Variants in SLC27A3 observed in about 807,000 individuals in gnomAD.
SLC27A3 encodes the protein solute carrier family 27 member 3, also known as long-chain fatty acid transport protein 3.
A neutral mutation model predicts 60.1 loss-of-function variants in SLC27A3; 60 were observed. The ratio of observed to expected loss-of-function variants is 1.00; its 90% CI spans 0.81 to 1.24. SLC27A3 has a LOEUF of 1.24. Among genes scored for constraint, SLC27A3 ranks in the 50% most tolerant of loss-of-function variants. SLC27A3 has a pLI of 0.00. For synonymous variants in SLC27A3, 455 were observed against 409.0 expected (o/e 1.11, Z -1.36); for missense variants, 1,079 against 929.9 (o/e 1.16, Z -2.09).
Position 153,778,511 on chromosome 1 carries a change from C to A in SLC27A3, c.1405C>A (p.Pro469Thr), listed in dbSNP as rs752510425. The change falls in exon 6 of 10, where the codon CCA becomes ACA. Residue 469 changes from proline (P) to threonine (T), a missense_variant. Physicochemically the swap from Pro to Thr is conservative, Grantham distance 38. Transcript: ENST00000624995. Reference sequence around the variant, plus strand: ...TCGCTATGATGTCACCACAGGAGAGCCAATTCGGGACCCCCAGGGGCACTG... The same window carrying A: ...TCGCTATGATGTCACCACAGGAGAGACAATTCGGGACCCCCAGGGGCACTG... ...LIRYDVTTGE[P>T]IRDPQGHCMA... 5 of 1,614,154 alleles carry A rather than the reference C, an allele frequency of 3.1e-6. No individual in the cohort carries two copies. Among genetic ancestry groups the A allele is most frequent in the Middle Eastern group, 3.3e-4 (2 of 6,062 alleles).
At chr1:153,779,535 C>G (rs1281762749) in intron 9 of SLC27A3, 62 bp downstream of exon 9, 13 of 1,561,334 alleles carry the variant, frequency 8.3e-6, no homozygotes, top group African/African-American at 1.4e-5. Context: ...CATATCCACC[C>G]CGTGTATCAA....
chr1:153,777,654 C>A, intron 3 of SLC27A3, 107 bp from the exon 4 acceptor site: 1 of 1,415,714 alleles, frequency 7.1e-7, no homozygotes, highest in Non-Finnish European at 9.8e-7. Flanking sequence ...GTGGGCCCTT[C>A]CCAGGGAAAG....
chr1:153,779,950 C>A lies in SLC27A3; in HGVS notation c.2000C>A (p.Pro667His). Residue 667 changes from proline (P) to histidine (H), a missense_variant, in exon 10 of 10, where the codon CCC becomes CAC. Pro to His is a moderately conservative substitution (Grantham distance 77, BLOSUM62 -2). Transcript: ENST00000624995. ...GACCAGGCTGTAGGTGCCTACCTGC[C>A]CCTCACAACTGCCCGGTACAGCGCC... ...VLDQAVGAYL[P>H]LTTARYSALL... 6.2e-7 allele frequency: 1 copy of A among 1,614,152 alleles called. No homozygotes were observed. Among genetic ancestry groups the A allele is most frequent in the Non-Finnish European group, 8.5e-7 (1 of 1,180,026 alleles).
chr1:153,776,555 G>A lies in SLC27A3; in HGVS notation c.705G>A (p.Leu235=), dbSNP rs1364877727. The A allele has an allele frequency of 1.2e-6, 2 of 1,614,158 alleles. No individual in the cohort carries two copies. Among genetic ancestry groups the A allele is most frequent in the Admixed American group, 1.7e-5 (1 of 60,028 alleles). The change falls in exon 2 of 10, where the codon CTG becomes CTA. Residue 235 remains leucine (L), a synonymous_variant. Transcript: ENST00000624995. ...CCCTGGAGCCGGACCTGCCCGCCCT[G>A]AGAGCCATGGGGCTCCACCTGTGGG... ...LESLEPDLPA[L]RAMGLHLWAA...
At chr1:153,778,989 C>A in intron 7 of SLC27A3, 104 bp downstream of exon 7, 1 of 1,454,544 alleles carries the variant, frequency 6.9e-7, no homozygotes, top group Non-Finnish European at 9.6e-7. Context: ...GGGTCCTAAG[C>A]TAATCTCTCA....
At chr1:153,778,954 A>C in intron 7 of SLC27A3, 69 bp downstream of exon 7, 1 of 1,539,090 alleles carries the variant, frequency 6.5e-7, no homozygotes, top group Non-Finnish European at 9.0e-7. Context: ...CTGAACCTCA[A>C]CTCTCTAATC....
At position 153,775,696 on chromosome 1, in the gene SLC27A3, CTGGCCT is replaced by C; in HGVS notation, c.200_205del (p.Leu67_Trp69delinsArg). On this transcript the variant is annotated inframe_deletion, in exon 1 of 10. Coordinates refer to ENST00000624995, the MANE Select transcript of SLC27A3 (RefSeq NM_024330.4). ...GGAAGGTCCCGAGGGGGGCTGCAGC[CTGGCCT>C]GGCGCCTCGCGGAACTGGCCCAGCA... 1 of 1,529,380 alleles carries C rather than the reference CTGGCCT, an allele frequency of 6.5e-7. No individual in the cohort carries two copies. The highest frequency in any genetic ancestry group is 8.8e-7 in the Non-Finnish European group (1 of 1,142,348). 94.7% of individuals were successfully genotyped at this position (1,529,380 alleles called of 1,614,324 possible).
In SLC27A3 at chr1:153,775,872, G is replaced by A; in HGVS notation, c.375G>A (p.Gly125=). 1.3e-6 allele frequency: 2 copies of A among 1,491,380 alleles called. No homozygotes were observed. The highest frequency in any genetic ancestry group is 1.8e-6 in the Non-Finnish European group (2 of 1,126,686). 92.4% of individuals were successfully genotyped at this position (1,491,380 alleles called of 1,614,324 possible). Residue 125 remains glycine, a synonymous_variant, in exon 1 of 10, where the codon GGG becomes GGA. Coordinates refer to ENST00000624995, the MANE Select transcript of SLC27A3 (RefSeq NM_024330.4). ...WGPDGGDSGE[G]SAGEGERAAP... ...CCGACGGCGGCGACAGCGGCGAGGG[G>A]AGCGCTGGAGAAGGCGAGCGGGCAG...
chr1:153,778,419 C>CA, intron 5 of SLC27A3, 44 bp from the exon 6 acceptor site: 1 of 1,612,928 alleles, frequency 6.2e-7, no homozygotes, highest in South Asian at 1.1e-5. Flanking sequence ...AGAGGGGGCT[C>CA]ATGTGACTGC....
At position 153,775,985 on chromosome 1, in the gene SLC27A3, C is replaced by T; in HGVS notation, c.488C>T (p.Pro163Leu). ...GAARGGGAAAPLSPGATVALL... is the reference protein window; with the variant it reads ...GAARGGGAAALLSPGATVALL... The stretch of plus-strand genomic sequence containing the variant: ...GCCAGAGGTGGAGGAGCCGCCGCCC[C>T]TCTGTCACCTGGAGCAACTGTGGCG... Residue 163 changes from proline (P) to leucine (L), a missense_variant, in exon 1 of 10, where the codon CCT becomes CTT. By Grantham distance (98) the Pro-to-Leu change is moderately conservative (BLOSUM62 -3). Transcript: ENST00000624995. 1 of 1,446,822 alleles carries T rather than the reference C, an allele frequency of 6.9e-7. No individual in the cohort carries two copies. Among genetic ancestry groups the T allele is most frequent in the Non-Finnish European group, 9.0e-7 (1 of 1,106,668 alleles). 89.6% of individuals were successfully genotyped at this position (1,446,822 alleles called of 1,614,324 possible). A position where few individuals can be genotyped will look rare whatever the true frequency, so the allele number is the denominator to read the frequency against.
chr1:153,776,264 G>A (rs1673218003), intron 1 of SLC27A3, 100 bp downstream of exon 1: 1 of 1,416,312 alleles, frequency 7.1e-7, no homozygotes, highest in Non-Finnish European at 9.2e-7. Flanking sequence ...GGCCTGGGAA[G>A]AAGCCGACTA....
At position 153,775,556 on chromosome 1, in the gene SLC27A3, T is replaced by C; in HGVS notation, c.59T>C (p.Leu20Pro). Reference protein sequence around the residue: ...LLLLPLLLLKLHLWPQLRWLP... With the variant: ...LLLLPLLLLKPHLWPQLRWLP... Reference sequence around the variant, plus strand: ...TTGCTACCGCTGCTGCTGCTGAAGCTACACCTCTGGCCGCAGTTGCGCTGG... The same window carrying C: ...TTGCTACCGCTGCTGCTGCTGAAGCCACACCTCTGGCCGCAGTTGCGCTGG... The change falls in exon 1 of 10, where the codon CTA (leucine) becomes CCA (proline). Residue 20 changes from leucine to proline, a missense_variant. Transcript: ENST00000624995. 1 of 1,611,784 alleles carries C rather than the reference T, an allele frequency of 6.2e-7. No homozygotes were observed. The highest frequency in any genetic ancestry group is 1.3e-5 in the African/African-American group (1 of 75,038).
Position 153,778,702 on chromosome 1 carries a change from T to G in SLC27A3, c.1463T>G (p.Leu488Arg), listed in dbSNP as rs528965243. The G allele has an allele frequency of 6.2e-7, 1 of 1,612,960 alleles. No homozygotes were observed. The highest frequency in any genetic ancestry group is 1.1e-5 in the South Asian group (1 of 91,082). ...MATSPGEPGL[L>R]VAPVSQQSPF... ...ACTCTGCCAGGTGAGCCAGGGCTGC[T>G]GGTGGCCCCGGTAAGCCAGCAGTCC... Residue 488 changes from leucine (L) to arginine (R), a missense_variant, in exon 7 of 10, where the codon CTG (leucine) becomes CGG (arginine). Physicochemically the swap from Leu to Arg is moderately radical, Grantham distance 102. Transcript: ENST00000624995.
Position 153,777,167 on chromosome 1 carries a change from C to T in SLC27A3, c.983C>T (p.Pro328Leu). 6 of 1,614,268 alleles carry T rather than the reference C, an allele frequency of 3.7e-6. No individual in the cohort carries two copies. The highest frequency in any genetic ancestry group is 1.1e-5 in the South Asian group (1 of 91,086). The change falls in exon 3 of 10, where the codon CCA (proline) becomes CTA (leucine). Residue 328 changes from proline (P) to leucine (L), a missense_variant. Transcript: ENST00000624995. ...HQEDVIYLAL[P>L]LYHMSGSLLG... ...GAAGATGTGATCTACCTCGCCCTCC[C>T]ACTCTACCACATGTCCGGTTCCCTG...
chr1:153,777,695 G>A (rs890694953), intron 3 of SLC27A3, 66 bp from the exon 4 acceptor site: 13 of 1,586,044 alleles, frequency 8.2e-6, no homozygotes, highest in Admixed American at 1.7e-5. Flanking sequence ...CTGGAAAGAG[G>A]GGCTTGGGCT....
chr1:153,776,978 G>T (rs534426884), intron 2 of SLC27A3, 84 bp from the exon 3 acceptor site: 1 of 1,472,810 alleles, frequency 6.8e-7, no homozygotes, highest in Non-Finnish European at 9.4e-7. Flanking sequence ...CTCTTTCTGT[G>T]GGAAACCCAG....
intron 7 of SLC27A3, 78 bp from the exon 8 acceptor site, chr1:153,779,036 C>T (rs1263714662): frequency 1.3e-6 from 2 of 1,495,962 alleles, no homozygotes; most frequent in Non-Finnish European, 9.3e-7. Flanking sequence ...GTGACACTGA[C>T]CTCTGACCTC....
chr1:153,779,397 T>C lies in SLC27A3; in HGVS notation c.1799T>C (p.Leu600Ser). 1 of 1,613,114 alleles carries C rather than the reference T, an allele frequency of 6.2e-7. No individual in the cohort carries two copies. ...AALVLRPPHA[L>S]DLMQLYTHVS... The stretch of plus-strand genomic sequence containing the variant: ...CTAGTTCTGCGTCCCCCCCACGCTT[T>C]GGACCTTATGCAGCTCTACACCCAC... Residue 600 changes from leucine (L) to serine (S), a missense_variant, in exon 9 of 10, where the codon TTG (leucine) becomes TCG (serine). Coordinates refer to ENST00000624995, the MANE Select transcript of SLC27A3 (RefSeq NM_024330.4).
chr1:153,776,502 T>C lies in SLC27A3; in HGVS notation c.668-16T>C, dbSNP rs771587392. 6.2e-7 allele frequency: 1 copy of C among 1,609,652 alleles called. No homozygotes were observed. Among genetic ancestry groups the C allele is most frequent in the Non-Finnish European group, 8.5e-7 (1 of 1,178,144 alleles). ...TAGAGCCAGGGCCCCGGCGTTGTGC[T>C]TTCCCACCCTTCTAGAGTTTCTGGA... On this transcript the variant is annotated splice_polypyrimidine_tract_variant and intron_variant, in intron 1 of 9. Coordinates refer to ENST00000624995, the MANE Select transcript of SLC27A3 (RefSeq NM_024330.4).
Sources: allele counts gnomAD v4.1 joint callset, GRCh38; gene constraint gnomAD v4.1.1; transcripts MANE v1.5; gene names NCBI Gene and HGNC (gene_info 2026-07-23, HGNC 2026-07-21).